PTPRC: variants seen among roughly 807,000 people sequenced by gnomAD.
PTPRC encodes the protein protein tyrosine phosphatase receptor type C, also known as receptor-type tyrosine-protein phosphatase C.
PTPRC carries 44 observed loss-of-function variants against 155.9 expected under a neutral mutation model. The observed-to-expected ratio is 0.28, with a 90% confidence interval of 0.22 to 0.36. PTPRC has a LOEUF of 0.36. PTPRC is among the 10% of genes least tolerant of loss of function. The pLI is 1.00. For missense variants in PTPRC, 1,401 were observed against 1,564.6 expected (o/e 0.90, Z 1.76); for synonymous variants, 525 against 533.1 (o/e 0.98, Z 0.21).
chr1:198,734,264 G>T, intron 21 of PTPRC, 32 bp downstream of exon 21: 2 of 1,609,868 alleles, frequency 1.2e-6, no homozygotes, highest in South Asian at 2.2e-5. Flanking sequence ...TATTCTTTTT[G>T]AAAAATTTTT....
chr1:198,652,086 C>G (rs1300377682), intron 2 of PTPRC, among the ~76,000 whole-genome samples: 1 of 151,584 alleles, frequency 6.6e-6, no homozygotes, highest in Non-Finnish European at 1.5e-5. Context: ...TGATATTTTG[C>G]TTAAGTTGAA....
chr1:198,679,237 T>TC (rs1665143562), intron 2 of PTPRC: 1 of 154,856 alleles, frequency 6.5e-6, no homozygotes, highest in Admixed American at 6.5e-5. Context: ...CTCGTACTTT[T>TC]TTTTTTTTTT....
chr1:198,652,756 C>T (rs950771173), intron 2 of PTPRC, among the ~76,000 whole-genome samples: 4 of 151,532 alleles, frequency 2.6e-5, no homozygotes, highest in African/African-American at 9.7e-5. Context: ...AGGTTCTCAC[C>T]CATAGGAAGA....
chr1:198,648,740 A>G (rs1457398480), intron 2 of PTPRC, among the ~76,000 whole-genome samples: 1 of 151,842 alleles, frequency 6.6e-6, no homozygotes, highest in Non-Finnish European at 1.5e-5. Context: ...ATTTGTCTTC[A>G]CTATGAATAC....
chr1:198,663,733 C>T (rs1258444549), intron 2 of PTPRC, among the ~76,000 whole-genome samples: 1 of 152,196 alleles, frequency 6.6e-6, no homozygotes, highest in African/African-American at 2.4e-5. Context: ...TGATTAACCG[C>T]TTTGTGCCTC....
At chr1:198,695,032 A>G in intron 3 of PTPRC, 2 of 949,792 alleles carry the variant, frequency 2.1e-6, no homozygotes, top group Non-Finnish European at 2.5e-6. Flanking sequence ...GTCTATGATC[A>G]TTTTGCATTT....
chr1:198,654,749 A>G (rs938744648), intron 2 of PTPRC, among the ~76,000 whole-genome samples: 3 of 151,916 alleles, frequency 2.0e-5, no homozygotes, highest in Non-Finnish European at 4.4e-5. Context: ...ATTAATATGT[A>G]ATAATAGTAA....
intron 27 of PTPRC, 29 bp downstream of exon 27, chr1:198,748,228 A>G: frequency 6.3e-7 from 1 of 1,580,086 alleles, no homozygotes; most frequent in Non-Finnish European, 8.6e-7. Context: ...TATTTTTTGT[A>G]TCAGATAAAG....
chr1:198,742,214 T>C lies in PTPRC; in HGVS notation c.2562-18T>C, dbSNP rs767315084. On this transcript the variant is annotated intron_variant, in intron 24 of 32. Transcript: ENST00000442510. ...TTTCCATGATCATGCCTCTGCTTTT[T>C]TTTGCTTGGTTTGCCAGTGCTGGTG... 2.5e-5 allele frequency: 40 copies of C among 1,612,078 alleles called. No individual in the cohort carries two copies. In the South Asian group the frequency reaches 4.4e-4, roughly 18 times the overall value.
chr1:198,750,261 G>T lies in PTPRC; in HGVS notation c.3073-231G>T, dbSNP rs138152032. The T allele has an allele frequency of 5.8e-6, 3 of 521,346 alleles. No individual in the cohort carries two copies. In the South Asian group the frequency reaches 6.5e-5, roughly 11 times the overall value. 32.3% of individuals were successfully genotyped at this position (521,346 alleles called of 1,614,324 possible). A position where few individuals can be genotyped will look rare whatever the true frequency, so the allele number is the denominator to read the frequency against. ...TTTTGTGGAAAGGAAAATTTGTTTC[G>T]CAAGATATGTTGTAATCTTGATTTC... On this transcript the variant is annotated intron_variant, in intron 28 of 32. Transcript: ENST00000442510.
chr1:198,720,073 C>T (rs1653813672), intron 14 of PTPRC, among the ~76,000 whole-genome samples: 1 of 151,842 alleles, frequency 6.6e-6, no homozygotes, highest in African/African-American at 2.4e-5. Context: ...GATGCAAAAC[C>T]ATTGTCACAT....
chr1:198,696,937 A>G, intron 4 of PTPRC, 28 bp downstream of exon 4: 1 of 1,556,744 alleles, frequency 6.4e-7, no homozygotes, highest in Non-Finnish European at 8.9e-7. Context: ...GTTAACTTAA[A>G]TATCAGGGAA....
intron 2 of PTPRC, among the ~76,000 whole-genome samples, chr1:198,684,754 G>T (rs1665526670): frequency 6.6e-6 from 1 of 151,702 alleles, no homozygotes; most frequent in African/African-American, 2.4e-5. Flanking sequence ...CTTGCTCTTT[G>T]TTCATGGGTG....
intron 4 of PTPRC, 82 bp downstream of exon 4, chr1:198,696,991 A>T (rs1438888081): frequency 7.9e-7 from 1 of 1,259,494 alleles, no homozygotes; most frequent in Non-Finnish European, 1.2e-6. Context: ...ACTTGTCTTT[A>T]AATTATTTGC....
chr1:198,654,817 T>C (rs1469950471), intron 2 of PTPRC, among the ~76,000 whole-genome samples: 2 of 151,898 alleles, frequency 1.3e-5, no homozygotes, highest in Non-Finnish European at 2.9e-5. Flanking sequence ...AAAACATGAA[T>C]ATTAAAGTGA....
chr1:198,699,898 G>C lies in PTPRC; in HGVS notation c.439+194G>C, dbSNP rs377711817. 8 of 698,058 alleles carry C rather than the reference G, an allele frequency of 1.1e-5. No individual in the cohort carries two copies. In the South Asian group the frequency reaches 1.4e-4, roughly 12 times the overall value. The allele number at this position is 698,058 out of a possible 1,614,324, so 43.2% of individuals were successfully genotyped here. A position where few individuals can be genotyped will look rare whatever the true frequency, so the allele number is the denominator to read the frequency against. ...CTTTTAACAGAGATGAAATAATAGT[G>C]AGAATTGTGAGACTACAGCAAAAAT... On this transcript the variant is annotated intron_variant, in intron 5 of 32. Transcript: ENST00000442510.
At chr1:198,710,353 A>G (rs1653232786) in intron 11 of PTPRC, among the ~76,000 whole-genome samples, 2 of 152,170 alleles carry the variant, frequency 1.3e-5, no homozygotes, top group African/African-American at 4.8e-5. Flanking sequence ...TAAATTTTGA[A>G]ACTGGAAACT....
At chr1:198,709,918 C>G in intron 11 of PTPRC, 94 bp downstream of exon 11, 9 of 1,508,284 alleles carry the variant, frequency 6.0e-6, no homozygotes, top group African/African-American at 2.8e-5. Context: ...TGTCTTTTTG[C>G]TGTTTTTGAT....
At chr1:198,679,021 G>T in intron 2 of PTPRC, 1 of 195,680 alleles carries the variant, frequency 5.1e-6, no homozygotes, top group Non-Finnish European at 1.0e-5. Flanking sequence ...GACTGCTCAG[G>T]TCTTGCATGT....
Sources: allele counts gnomAD v4.1 joint callset (sites outside exome capture counted in the v4.1 genomes callset), GRCh38; gene constraint gnomAD v4.1.1; transcripts MANE v1.5; gene names NCBI Gene and HGNC (gene_info 2026-07-23, HGNC 2026-07-21).